Variants in PDE6H observed in about 807,000 individuals in gnomAD.
PDE6H encodes the protein phosphodiesterase 6H, also known as retinal cone rhodopsin-sensitive cGMP 3',5'-cyclic phosphodiesterase subunit gamma.
PDE6H carries 11 observed loss-of-function variants against 9.2 expected under a neutral mutation model. That is an observed-to-expected ratio of 1.19 (90% CI 0.75 to 1.97). The LOEUF is 1.97. Ranked by LOEUF, PDE6H falls within the 30% of genes most tolerant of loss-of-function variation. The probability of loss-of-function intolerance (pLI) is 0.00; values close to 1 mark genes in which losing one functional copy is unlikely to be tolerated. For synonymous variants in PDE6H, 36 were observed against 33.6 expected (o/e 1.07, Z -0.25); for missense variants, 98 against 101.5 (o/e 0.97, Z 0.15).
intron 1 of PDE6H, among the ~76,000 whole-genome samples, chr12:14,975,865 G>A (rs565813793): frequency 4.0e-5 from 6 of 148,236 alleles, no homozygotes; most frequent in African/African-American, 1.5e-4. Context: ...CTGTCGCCCA[G>A]GCTGGAGTGC....
Position 14,980,013 on chromosome 12 carries a change from C to G in PDE6H, c.175+794C>G, listed in dbSNP as rs187495926. On this transcript the variant is annotated intron_variant, in intron 3 of 3. Transcript: ENST00000266395. ...CCATAGCTTGAATTAGAGTTTTTAT[C>G]CCTTGTGTTGTAAAGTTCTAAGGGT... 2.0e-5 allele frequency among the ~76,000 whole-genome samples: 3 copies of G among 152,204 alleles called. No homozygotes were observed. In the East Asian group the frequency reaches 5.8e-4, roughly 29 times the overall value.
chr12:14,973,619 A>AT (rs891621078), intron 1 of PDE6H, among the ~76,000 whole-genome samples: 56 of 149,726 alleles, frequency 3.7e-4, no homozygotes, highest in South Asian at 3.4e-3. Context: ...AATTTTGGTA[A>AT]TTTTTTTTTT....
chr12:14,980,532 C>A (rs1173933173), intron 3 of PDE6H, among the ~76,000 whole-genome samples: 1 of 152,176 alleles, frequency 6.6e-6, no homozygotes, highest in Non-Finnish European at 1.5e-5. Context: ...CCCAGGCAAT[C>A]CTCAGTGTCT....
At position 14,979,185 on chromosome 12, in the gene PDE6H, A is replaced by G; in HGVS notation, c.141A>G (p.Gly47=). The part of the protein sequence containing the change: ...KPPKKGVKGF[G]DDIPGMEGLG... ...CCTTTATTCTTTTCCATAGATTTGG[A>G]GATGACATTCCAGGAATGGAGGGGC... The change falls in exon 3 of 4, where the codon GGA becomes GGG. Residue 47 remains glycine (G), a synonymous_variant. Coordinates refer to ENST00000266395, the MANE Select transcript of PDE6H (RefSeq NM_006205.3). The G allele has an allele frequency of 1.2e-6, 2 of 1,607,240 alleles. No individual in the cohort carries two copies.
chr12:14,978,321 TCTTTC>T (rs1312831249), intron 2 of PDE6H, among the ~76,000 whole-genome samples, 175 bp downstream of exon 2: 2 of 152,226 alleles, frequency 1.3e-5, no homozygotes, highest in South Asian at 4.1e-4. Context: ...TCCCTGGAAT[TCTTTC>T]CTTCTCAACT....
chr12:14,974,533 T>C (rs1337592438), intron 1 of PDE6H, among the ~76,000 whole-genome samples: 2 of 152,220 alleles, frequency 1.3e-5, no homozygotes, highest in East Asian at 3.8e-4. Context: ...GAACACTTTC[T>C]AAGCCTAGAG....
chr12:14,979,059 C>T (rs564766883), intron 2 of PDE6H, 120 bp from the exon 3 acceptor site: 1 of 734,666 alleles, frequency 1.4e-6, no homozygotes, highest in Non-Finnish European at 2.4e-6. Context: ...AGGAGTTTCT[C>T]ACATACAAAC....
At chr12:14,975,187 G>C (rs1864573020) in intron 1 of PDE6H, among the ~76,000 whole-genome samples, 1 of 151,996 alleles carries the variant, frequency 6.6e-6, no homozygotes, top group African/African-American at 2.4e-5. Flanking sequence ...ATAGAACTCT[G>C]GATCCAACTC....
At position 14,981,829 on chromosome 12, in the gene PDE6H, C is replaced by T. The variant is rs568270813; in HGVS notation, c.*353C>T. The stretch of plus-strand genomic sequence containing the variant: ...AAGACAACATTTATGTCACTCCCCA[C>T]CTCCTCATATTTAATAAAGGAGATA... On this transcript the variant is annotated 3_prime_UTR_variant, in exon 4 of 4. Coordinates refer to ENST00000266395, the MANE Select transcript of PDE6H (RefSeq NM_006205.3). 8.4e-6 allele frequency: 3 copies of T among 356,028 alleles called. No individual in the cohort carries two copies. Among genetic ancestry groups the T allele is most frequent in the African/African-American group, 6.3e-5 (3 of 47,646 alleles). The allele number at this position is 356,028 out of a possible 1,614,324, so 22.1% of individuals were successfully genotyped here. A position where few individuals can be genotyped will look rare whatever the true frequency, so the allele number is the denominator to read the frequency against.
At chr12:14,977,225 G>C (rs1347361296) in intron 1 of PDE6H, among the ~76,000 whole-genome samples, 1 of 152,182 alleles carries the variant, frequency 6.6e-6, no homozygotes, top group African/African-American at 2.4e-5. Flanking sequence ...TGCTTCAGAG[G>C]TCCTCCTGTC....
At chr12:14,980,434 T>C (rs1864664901) in intron 3 of PDE6H, among the ~76,000 whole-genome samples, 1 of 152,230 alleles carries the variant, frequency 6.6e-6, no homozygotes, top group Non-Finnish European at 1.5e-5. Flanking sequence ...CCCCTAAATA[T>C]TTATGTGCAG....
chr12:14,978,925 A>C (rs1263177540), intron 2 of PDE6H, among the ~76,000 whole-genome samples: 3 of 152,162 alleles, frequency 2.0e-5, no homozygotes, highest in Non-Finnish European at 2.9e-5. Flanking sequence ...TGTCCCACTG[A>C]TGGTTCTTTC....
Position 14,978,137 on chromosome 12 carries a change from G to C in PDE6H, c.125G>C (p.Gly42Ala), listed in dbSNP as rs746033819. 1 of 1,613,596 alleles carries C rather than the reference G, an allele frequency of 6.2e-7. No homozygotes were observed. The highest frequency in any genetic ancestry group is 8.5e-7 in the Non-Finnish European group (1 of 1,179,858). The change falls in exon 2 of 4, where the codon GGT (glycine) becomes GCT (alanine). Residue 42 changes from glycine to alanine, a missense_variant. Transcript: ENST00000266395. ...TTCAAGAGTAAACCTCCAAAGAAAG[G>C]TGTGAAAGGGTAAGACCAAAATGAA... ...RQFKSKPPKK[G>A]VKGFGDDIPG...
In PDE6H at chr12:14,979,177, A is replaced by G; in HGVS notation, c.135-2A>G. On this transcript the variant is annotated splice_acceptor_variant, in intron 2 of 3. Coordinates refer to ENST00000266395, the MANE Select transcript of PDE6H (RefSeq NM_006205.3). LOFTEE classifies it high-confidence loss of function. ...TAATTTCTCCTTTATTCTTTTCCATAGATTTGGAGATGACATTCCAGGAAT... is the reference window on the plus strand; with the variant it reads ...TAATTTCTCCTTTATTCTTTTCCATGGATTTGGAGATGACATTCCAGGAAT... 1 of 1,604,300 alleles carries G rather than the reference A, an allele frequency of 6.2e-7. No homozygotes were observed. The highest frequency in any genetic ancestry group is 2.2e-5 in the East Asian group (1 of 44,784).
chr12:14,977,168 C>T (rs192515786), intron 1 of PDE6H, among the ~76,000 whole-genome samples: 3 of 152,204 alleles, frequency 2.0e-5, no homozygotes, highest in Non-Finnish European at 4.4e-5. Flanking sequence ...TCTGTATGTG[C>T]GTGTGTATTA....
intron 1 of PDE6H, among the ~76,000 whole-genome samples, chr12:14,974,117 C>G (rs1864558752): frequency 6.6e-6 from 1 of 152,174 alleles, no homozygotes; most frequent in Non-Finnish European, 1.5e-5. Context: ...GGAAAATGTT[C>G]TGGCTCACAA....
At chr12:14,975,863 C>A (rs142036621) in intron 1 of PDE6H, among the ~76,000 whole-genome samples, 9,690 of 147,880 alleles carry the variant, frequency 0.066, 579 homozygotes, top group East Asian at 0.2. Flanking sequence ...CCCTGTCGCC[C>A]AGGCTGGAGT....
chr12:14,978,337 TC>T (rs1418164478), intron 2 of PDE6H, among the ~76,000 whole-genome samples, 191 bp downstream of exon 2: 3 of 152,212 alleles, frequency 2.0e-5, no homozygotes, highest in African/African-American at 7.2e-5. Flanking sequence ...CTTCTCAACT[TC>T]CAGGTCTGTG....
intron 2 of PDE6H, 62 bp from the exon 3 acceptor site, chr12:14,979,117 G>A (rs1864641374): frequency 9.2e-7 from 1 of 1,089,284 alleles, no homozygotes; most frequent in Non-Finnish European, 1.4e-6. Flanking sequence ...CTCTCCATGT[G>A]AGTGACTCCA....
Sources: allele counts gnomAD v4.1 joint callset (sites outside exome capture counted in the v4.1 genomes callset), GRCh38; gene constraint gnomAD v4.1.1; transcripts MANE v1.5; gene names NCBI Gene and HGNC (gene_info 2026-07-23, HGNC 2026-07-21).